The following AFF3 variants were observed in gnomAD, a reference collection of about 807,000 sequenced individuals.
AFF3 encodes ALF transcription elongation factor 3.
A neutral mutation model predicts 129.7 loss-of-function variants in AFF3; 32 were observed. The ratio of observed to expected loss-of-function variants is 0.25; its 90% confidence interval spans 0.19 to 0.33. AFF3 has a LOEUF of 0.33. AFF3 is among the 10% of genes least tolerant of loss of function. The pLI is 1.00. For missense variants in AFF3, 1,373 were observed against 1,592.0 expected, an observed-to-expected ratio of 0.86 and a Z score of 2.34; for synonymous variants, 644 against 635.4, an observed-to-expected ratio of 1.01 and a Z score of -0.20.
chr2:99,908,478 G>C (rs1316132692), intron 7 of AFF3, among the ~76,000 whole-genome samples: 3 of 152,122 alleles, frequency 2.0e-5, no homozygotes, highest in African/African-American at 2.4e-5. Flanking sequence ...TGACAAATGG[G>C]ATCTAATTAA....
intron 7 of AFF3, among the ~76,000 whole-genome samples, chr2:99,972,387 A>G (rs1234611074): frequency 6.6e-6 from 1 of 152,258 alleles, no homozygotes; most frequent in African/African-American, 2.4e-5. Context: ...GGCAGGTTTC[A>G]AGCAAGTCCT....
intron 8 of AFF3, among the ~76,000 whole-genome samples, chr2:99,799,470 G>C (rs551216698): frequency 4.1e-4 from 63 of 152,124 alleles, no homozygotes; most frequent in African/African-American, 1.2e-3. Flanking sequence ...CTTAACATTT[G>C]ATGAGAAGCA....
At chr2:99,599,217 G>A (rs1679578724) in intron 14 of AFF3, among the ~76,000 whole-genome samples, 1 of 152,236 alleles carries the variant, frequency 6.6e-6, no homozygotes, top group South Asian at 2.1e-4. Flanking sequence ...CATTTAGAAA[G>A]CATTTGCTTA....
intron 17 of AFF3, 75 bp downstream of exon 17, chr2:99,582,723 C>T (rs1677690625): frequency 2.7e-6 from 4 of 1,508,098 alleles, no homozygotes; most frequent in East Asian, 4.5e-5. Context: ...TCAGACTGTG[C>T]TAGGTTAGAG....
At chr2:100,050,861 G>A (rs1392476222) in intron 4 of AFF3, among the ~76,000 whole-genome samples, 2 of 152,172 alleles carry the variant, frequency 1.3e-5, no homozygotes. Flanking sequence ...CCTCTTCTGG[G>A]GATGCTGCTA....
intron 13 of AFF3, among the ~76,000 whole-genome samples, chr2:99,642,725 G>T (rs1421515798): frequency 6.6e-6 from 1 of 152,160 alleles, no homozygotes; most frequent in Admixed American, 6.5e-5. Context: ...GTGCTTGATG[G>T]GAGGCAAGAG....
At chr2:100,047,420 G>A (rs953602443) in intron 4 of AFF3, among the ~76,000 whole-genome samples, 3 of 152,208 alleles carry the variant, frequency 2.0e-5, no homozygotes, top group African/African-American at 7.2e-5. Flanking sequence ...GAGACGGTGA[G>A]TTCCAGAACT....
chr2:100,080,424 G>C (rs1449426723), intron 4 of AFF3, among the ~76,000 whole-genome samples: 1 of 151,718 alleles, frequency 6.6e-6, no homozygotes, highest in Non-Finnish European at 1.5e-5. Flanking sequence ...TGGGGCCTTA[G>C]CTGAAACTAA....
intron 4 of AFF3, among the ~76,000 whole-genome samples, chr2:100,022,743 A>T (rs1453312294): frequency 6.6e-6 from 1 of 152,094 alleles, no homozygotes; most frequent in Non-Finnish European, 1.5e-5. Flanking sequence ...ATATACACCC[A>T]CATACAACAC....
intron 7 of AFF3, among the ~76,000 whole-genome samples, chr2:99,850,458 C>T (rs950114287): frequency 6.6e-6 from 1 of 152,320 alleles, no homozygotes; most frequent in African/African-American, 2.4e-5. Context: ...AGGGTTCATA[C>T]TCATTCTGGG....
At chr2:99,876,107 G>T (rs1692274092) in intron 7 of AFF3, among the ~76,000 whole-genome samples, 1 of 152,014 alleles carries the variant, frequency 6.6e-6, no homozygotes, top group African/African-American at 2.4e-5. Flanking sequence ...GGGTTACAAA[G>T]AACCCAGTCC....
chr2:100,023,231 G>T (rs958957045), intron 4 of AFF3, among the ~76,000 whole-genome samples: 1 of 152,182 alleles, frequency 6.6e-6, no homozygotes, highest in African/African-American at 2.4e-5. Flanking sequence ...TAAACAATAC[G>T]TGAGATTTGC....
chr2:99,668,160 A>C lies in AFF3; in HGVS notation c.1143+4378T>G, dbSNP rs938517837. 7.1e-4 allele frequency among the ~76,000 whole-genome samples: 105 copies of C among 147,350 alleles called. 1 individual carries two copies. Among genetic ancestry groups the C allele is most frequent in the African/African-American group, 1.9e-3 (79 of 40,674 alleles). On this transcript the variant is annotated intron_variant, in intron 12 of 24. Coordinates refer to ENST00000672756, the MANE Select transcript of AFF3 (RefSeq NM_001386135.1). ...GTGACACAGTGAGACTCCATCTCCC[A>C]AAAAAAAAAATTTGTTTTTGTTTTT...
At chr2:99,855,260 C>T (rs760353375) in intron 7 of AFF3, among the ~76,000 whole-genome samples, 5 of 152,076 alleles carry the variant, frequency 3.3e-5, no homozygotes, top group Non-Finnish European at 1.5e-5. Context: ...TTGCATAAGT[C>T]TGAATACAGT....
intron 13 of AFF3, among the ~76,000 whole-genome samples, chr2:99,617,066 G>C (rs1205024681): frequency 6.6e-6 from 1 of 152,172 alleles, no homozygotes; most frequent in Non-Finnish European, 1.5e-5. Context: ...TTAGCTGATG[G>C]ACGTCGGATT....
chr2:99,557,921 T>C (rs957705365), intron 22 of AFF3, among the ~76,000 whole-genome samples: 1 of 152,198 alleles, frequency 6.6e-6, no homozygotes, highest in African/African-American at 2.4e-5. Flanking sequence ...CTAGTTTCTA[T>C]AGATAAACAG....
Position 100,080,175 on chromosome 2 carries a change from C to T in AFF3, c.53+24227G>A, listed in dbSNP as rs555661415. Among the ~76,000 whole-genome samples, 166 of 152,256 alleles carry T rather than the reference C, an allele frequency of 1.1e-3. 1 individual carries two copies. The highest frequency in any genetic ancestry group is 3.7e-3 in the African/African-American group (153 of 41,538). On this transcript the variant is annotated intron_variant, in intron 4 of 24. Coordinates refer to ENST00000672756, the MANE Select transcript of AFF3 (RefSeq NM_001386135.1). The stretch of plus-strand genomic sequence containing the variant: ...ATGGCATGGTAGAATGACATCAGGT[C>T]GGATGTCAAATTCAGGCTGAAACCT...
chr2:99,781,906 AT>A (rs1382114920), intron 8 of AFF3, among the ~76,000 whole-genome samples: 1 of 152,140 alleles, frequency 6.6e-6, no homozygotes, highest in Non-Finnish European at 1.5e-5. Flanking sequence ...GAAAAAAAAA[AT>A]CTTATAATTC....
chr2:100,032,361 G>A (rs1316497340), intron 4 of AFF3, among the ~76,000 whole-genome samples: 5 of 151,926 alleles, frequency 3.3e-5, no homozygotes, highest in Admixed American at 1.3e-4. Flanking sequence ...CCCAGGAGGC[G>A]GAGGCTGCAG....
Sources: gnomAD v4.1 joint callset for allele counts (sites outside exome capture counted in the v4.1 genomes callset) on GRCh38, gnomAD v4.1.1 for gene constraint, MANE v1.5 for transcripts, NCBI Gene and HGNC (gene_info 2026-07-23, HGNC 2026-07-21) for gene names.